CTNNBL1: variants seen among roughly 807,000 people sequenced by gnomAD.
CTNNBL1 encodes catenin beta like 1.
CTNNBL1 carries 31 observed loss-of-function variants against 72.7 expected under a neutral mutation model. The ratio of observed to expected loss-of-function variants is 0.43; its 90% CI spans 0.32 to 0.58. The LOEUF (loss-of-function observed/expected upper bound fraction) is 0.58. CTNNBL1 is among the 20% of genes least tolerant of loss of function. CTNNBL1 has a pLI of 0.08. For missense variants in CTNNBL1, 534 were observed against 725.1 expected (o/e 0.74, Z 3.03); for synonymous variants, 240 against 267.3 (o/e 0.90, Z 1.00).
intron 1 of CTNNBL1, among the ~76,000 whole-genome samples, chr20:37,725,483 A>T (rs1369372917): frequency 4.6e-5 from 7 of 151,576 alleles, no homozygotes; most frequent in Non-Finnish European, 7.4e-5. Context: ...TTTACTAGAG[A>T]TGGGGTTTCA....
intron 11 of CTNNBL1, among the ~76,000 whole-genome samples, chr20:37,829,095 C>T (rs1348405060): frequency 6.6e-6 from 1 of 152,074 alleles, no homozygotes; most frequent in Non-Finnish European, 1.5e-5. Flanking sequence ...GAAACCAGGA[C>T]GTCTGTCCAT....
intron 3 of CTNNBL1, among the ~76,000 whole-genome samples, chr20:37,738,853 G>A (rs1344137316): frequency 6.6e-6 from 1 of 152,214 alleles, no homozygotes; most frequent in Non-Finnish European, 1.5e-5. Context: ...AGGCACAGAG[G>A]TGTCAGCGGG....
At chr20:37,867,570 GA>G (rs1294778291) in intron 15 of CTNNBL1, among the ~76,000 whole-genome samples, 4 of 152,168 alleles carry the variant, frequency 2.6e-5, no homozygotes, top group Non-Finnish European at 5.9e-5. Flanking sequence ...AAATGTGGGG[GA>G]AGTAGAGAAA....
At position 37,757,666 on chromosome 20, in the gene CTNNBL1, A is replaced by G. The variant is rs1381167025; in HGVS notation, c.564+10A>G. Reference sequence around the variant, plus strand: ...GCTCATCGATGCTCTGGTAAGTTGCACATCCTCTGGGGTTTTGCAGGTTTG... The same window carrying G: ...GCTCATCGATGCTCTGGTAAGTTGCGCATCCTCTGGGGTTTTGCAGGTTTG... On this transcript the variant is annotated intron_variant, in intron 5 of 15. Transcript: ENST00000361383. The G allele has an allele frequency of 1.2e-6, 2 of 1,605,748 alleles. No individual in the cohort carries two copies. The highest frequency in any genetic ancestry group is 1.7e-6 in the Non-Finnish European group (2 of 1,172,976).
At chr20:37,860,394 T>C (rs768127473) in intron 15 of CTNNBL1, 50 bp downstream of exon 15, 17 of 1,405,202 alleles carry the variant, frequency 1.2e-5, no homozygotes, top group Admixed American at 3.3e-5. Context: ...TAGATGATGC[T>C]TACTTTCTGA....
intron 6 of CTNNBL1, 87 bp downstream of exon 6, chr20:37,765,377 G>T: frequency 2.3e-6 from 2 of 864,112 alleles, no homozygotes; most frequent in South Asian, 1.5e-5. Context: ...CTTCATAATA[G>T]AGTCAATAGC....
intron 5 of CTNNBL1, among the ~76,000 whole-genome samples, chr20:37,760,053 G>A (rs1213760978): frequency 6.6e-6 from 1 of 152,164 alleles, no homozygotes; most frequent in Non-Finnish European, 1.5e-5. Context: ...ACACTGTCCT[G>A]GCATTCTCAG....
intron 10 of CTNNBL1, among the ~76,000 whole-genome samples, chr20:37,787,560 G>A (rs1600487901): frequency 1.3e-5 from 2 of 152,090 alleles, no homozygotes; most frequent in Non-Finnish European, 2.9e-5. Flanking sequence ...TAGCCGGGAT[G>A]GTCTCGATCT....
chr20:37,861,125 T>G (rs760846), intron 15 of CTNNBL1, among the ~76,000 whole-genome samples: 116,011 of 152,138 alleles, frequency 0.76, 44,385 homozygotes, highest in East Asian at 0.85. Flanking sequence ...CTCTAGCTGC[T>G]AGCCTGTCAC....
At chr20:37,695,469 C>T (rs2072782494) in intron 1 of CTNNBL1, among the ~76,000 whole-genome samples, 1 of 152,184 alleles carries the variant, frequency 6.6e-6, no homozygotes, top group Admixed American at 6.5e-5. Flanking sequence ...GCTGGGATTA[C>T]AGGTATGAGC....
At chr20:37,809,631 G>A (rs2071991821) in intron 11 of CTNNBL1, among the ~76,000 whole-genome samples, 1 of 152,198 alleles carries the variant, frequency 6.6e-6, no homozygotes, top group Non-Finnish European at 1.5e-5. Context: ...CCTGGGTCCA[G>A]ACTAGCCTGC....
intron 13 of CTNNBL1, among the ~76,000 whole-genome samples, chr20:37,852,329 G>A (rs116048751): frequency 0.012 from 1,894 of 152,266 alleles, 43 homozygotes; most frequent in African/African-American, 0.043. Context: ...TGAAGCGTAC[G>A]TGATTTGCAT....
At chr20:37,808,432 G>T (rs951378041) in intron 11 of CTNNBL1, among the ~76,000 whole-genome samples, 3 of 152,208 alleles carry the variant, frequency 2.0e-5, no homozygotes, top group Non-Finnish European at 4.4e-5. Flanking sequence ...GTGCTGGGCT[G>T]TAATGACATG....
chr20:37,814,205 G>C (rs1254731356), intron 11 of CTNNBL1, among the ~76,000 whole-genome samples: 1 of 152,052 alleles, frequency 6.6e-6, no homozygotes, highest in Non-Finnish European at 1.5e-5. Context: ...GGTTTGTTTT[G>C]GTTTTTTTAG....
At chr20:37,783,128 C>T (rs190802596) in intron 10 of CTNNBL1, among the ~76,000 whole-genome samples, 4 of 152,274 alleles carry the variant, frequency 2.6e-5, no homozygotes, top group Admixed American at 2.6e-4. Context: ...CCAGGCTGAT[C>T]TTGAACTCCT....
At chr20:37,705,822 G>A (rs2072880510) in intron 1 of CTNNBL1, among the ~76,000 whole-genome samples, 1 of 152,164 alleles carries the variant, frequency 6.6e-6, no homozygotes, top group Non-Finnish European at 1.5e-5. Context: ...TAGCTGTAGA[G>A]AAATTGGAAT....
chr20:37,695,286 T>C (rs904899846), intron 1 of CTNNBL1, among the ~76,000 whole-genome samples: 16 of 152,220 alleles, frequency 1.1e-4, no homozygotes, highest in Non-Finnish European at 2.1e-4. Context: ...TTGCTCACAG[T>C]AGCCTTAAAC....
At chr20:37,821,404 A>C (rs1476075641) in intron 11 of CTNNBL1, among the ~76,000 whole-genome samples, 1 of 152,192 alleles carries the variant, frequency 6.6e-6, no homozygotes, top group Non-Finnish European at 1.5e-5. Flanking sequence ...GGAAAAAATA[A>C]ATCTTTTTAT....
At chr20:37,818,775 A>G (rs2072081047) in intron 11 of CTNNBL1, among the ~76,000 whole-genome samples, 1 of 152,220 alleles carries the variant, frequency 6.6e-6, no homozygotes, top group South Asian at 2.1e-4. Flanking sequence ...TATATTCTCC[A>G]AGGAGAGCTA....
Sources: gnomAD v4.1 joint callset for allele counts (sites outside exome capture counted in the v4.1 genomes callset) on GRCh38, gnomAD v4.1.1 for gene constraint, MANE v1.5 for transcripts, NCBI Gene and HGNC (gene_info 2026-07-23, HGNC 2026-07-21) for gene names.